EVC: variants seen among roughly 807,000 people sequenced by gnomAD.
EVC encodes evC complex member EVC.
Under a neutral mutation model 118.9 loss-of-function variants are expected in EVC, and 116 were observed. The observed-to-expected ratio is 0.98, with a 90% CI of 0.84 to 1.14. EVC has a LOEUF of 1.14. Among genes scored for constraint, EVC ranks in the 50% most tolerant of loss-of-function variants. The pLI, the probability that EVC is intolerant of heterozygous loss-of-function variation, is 0.00. For synonymous variants in EVC, 619 were observed against 534.7 expected, an observed-to-expected ratio of 1.16 and a Z score of -2.18; for missense variants, 1,401 against 1,246.4, an observed-to-expected ratio of 1.12 and a Z score of -1.87.
chr4:5,808,821 G>C (rs1231934933), intron 18 of EVC, among the ~76,000 whole-genome samples: 6 of 152,216 alleles, frequency 3.9e-5, no homozygotes, highest in Non-Finnish European at 5.9e-5. Context: ...TAAGGTGAGA[G>C]TATAAAGTGT....
intron 12 of EVC, among the ~76,000 whole-genome samples, chr4:5,787,566 G>A (rs1440775202): frequency 6.6e-6 from 1 of 152,092 alleles, no homozygotes; most frequent in Non-Finnish European, 1.5e-5. Context: ...CCAGACCCTC[G>A]GGGAGGAGTG....
At chr4:5,761,192 G>C (rs1731952823) in intron 11 of EVC, among the ~76,000 whole-genome samples, 1 of 152,040 alleles carries the variant, frequency 6.6e-6, no homozygotes, top group Non-Finnish European at 1.5e-5. Context: ...GCCGAGGAGA[G>C]CAGGTCCAAG....
intron 1 of EVC, among the ~76,000 whole-genome samples, chr4:5,714,495 A>ATTTT (rs56388164): frequency 1.5e-5 from 2 of 129,674 alleles, no homozygotes; most frequent in African/African-American, 2.9e-5. Flanking sequence ...TGCTGCTTGC[A>ATTTT]TTTTTTTTTT....
At chr4:5,721,272 A>G (rs1045225027) in intron 2 of EVC, among the ~76,000 whole-genome samples, 2 of 152,232 alleles carry the variant, frequency 1.3e-5, no homozygotes, top group East Asian at 3.8e-4. Context: ...CCCAAATAGA[A>G]AAACTGGAAA....
intron 15 of EVC, among the ~76,000 whole-genome samples, chr4:5,799,086 C>T (rs1435116570): frequency 1.3e-5 from 2 of 152,150 alleles, no homozygotes; most frequent in Non-Finnish European, 2.9e-5. Flanking sequence ...CATGGTGTCA[C>T]CCAGAGCCAC....
chr4:5,740,017 G>A (rs528767454), intron 5 of EVC, among the ~76,000 whole-genome samples: 1 of 152,054 alleles, frequency 6.6e-6, no homozygotes, highest in Non-Finnish European at 1.5e-5. Context: ...CACTTCAATG[G>A]AGGAATGATA....
intron 16 of EVC, among the ~76,000 whole-genome samples, chr4:5,803,297 C>T (rs1560436773): frequency 1.3e-5 from 2 of 152,244 alleles, no homozygotes; most frequent in Non-Finnish European, 2.9e-5. Flanking sequence ...CTGAGTGTTT[C>T]TCCTCTCAGC....
At chr4:5,800,361 A>T (rs1483996915) in intron 15 of EVC, among the ~76,000 whole-genome samples, 1 of 152,140 alleles carries the variant, frequency 6.6e-6, no homozygotes, top group African/African-American at 2.4e-5. Context: ...AAACAAACAA[A>T]CAAAAAACAG....
chr4:5,728,419 A>G (rs1234679274), intron 2 of EVC, among the ~76,000 whole-genome samples: 1 of 151,448 alleles, frequency 6.6e-6, no homozygotes, highest in Admixed American at 6.6e-5. Context: ...TTGTACATTG[A>G]TTTTGTATCC....
downstream of EVC, among the ~76,000 whole-genome samples, chr4:5,815,523 C>T (rs538289968): frequency 1.2e-4 from 18 of 152,182 alleles, no homozygotes; most frequent in East Asian, 1.9e-4. Context: ...GGGAACGAAT[C>T]GATCCAGAGG....
At chr4:5,733,676 A>C (rs1169627231) in intron 5 of EVC, among the ~76,000 whole-genome samples, 2 of 152,208 alleles carry the variant, frequency 1.3e-5, no homozygotes, top group African/African-American at 4.8e-5. Context: ...CAGCAGAAAG[A>C]TGAGTGCCTC....
intron 3 of EVC, among the ~76,000 whole-genome samples, chr4:5,730,580 G>C (rs1326570863): frequency 1.3e-5 from 2 of 152,076 alleles, no homozygotes; most frequent in Non-Finnish European, 2.9e-5. Context: ...CCCCACCCTG[G>C]AGGCCCTCAC....
intron 19 of EVC, 27 bp downstream of exon 19, chr4:5,809,638 C>T (rs760485089): frequency 1.9e-5 from 31 of 1,594,208 alleles, no homozygotes; most frequent in South Asian, 3.3e-5. Flanking sequence ...TGAGTTGCAG[C>T]GGGAAGCACT....
intron 5 of EVC, among the ~76,000 whole-genome samples, chr4:5,739,276 T>C (rs143683594): frequency 1.3e-5 from 2 of 152,212 alleles, no homozygotes; most frequent in Non-Finnish European, 2.9e-5. Context: ...TTATATCTTA[T>C]ACCATATCAG....
chr4:5,805,942 T>A (rs1715828454), intron 17 of EVC, among the ~76,000 whole-genome samples: 1 of 147,060 alleles, frequency 6.8e-6, no homozygotes, highest in Non-Finnish European at 1.5e-5. Flanking sequence ...GTGACATAGC[T>A]ATATTGAATA....
chr4:5,731,440 T>G lies in EVC; in HGVS notation c.400T>G (p.Ser134Ala). ...NQKFRPLADG[S>A]SNPSLHENLK... ...GCCACCCCAGCCTCTGGCCGATGGC[T>G]CCTCCAACCCGTCTCTGCATGAAAA... Residue 134 changes from serine to alanine, a missense_variant, in exon 4 of 21, where the codon TCC (serine) becomes GCC (alanine). By Grantham distance (99) the Ser-to-Ala change is moderately conservative. Transcript: ENST00000264956. The surrounding 1 kb of genome is among the most constrained non-coding windows in gnomAD (Gnocchi z 5.6). 1 of 1,613,264 alleles carries G rather than the reference T, an allele frequency of 6.2e-7. No homozygotes were observed. Among genetic ancestry groups the G allele is most frequent in the Non-Finnish European group, 8.5e-7 (1 of 1,179,878 alleles).
rs112422541 is a variant in EVC, at chr4:5,733,577, G to A, written c.702+142G>A. ...CCGCTGTGAGGTGGGGGAAAGCGGC[G>A]CTGTCAGGCATGCAGCCACAAAATG... is the stretch of plus-strand genomic sequence containing the variant. On this transcript the variant is annotated intron_variant, in intron 5 of 20. Coordinates refer to ENST00000264956, the MANE Select transcript of EVC (RefSeq NM_153717.3). 122 of 796,670 alleles carry A rather than the reference G, an allele frequency of 1.5e-4. No individual in the cohort carries two copies. In the African/African-American group the frequency reaches 1.6e-3, roughly 11 times the overall value. The allele number at this position is 796,670 out of a possible 1,614,324, so 49.4% of individuals were successfully genotyped here.
In EVC at chr4:5,785,814, A is replaced by G. The variant is rs562317068; in HGVS notation, c.1776+2050A>G. 5.3e-5 allele frequency among the ~76,000 whole-genome samples: 8 copies of G among 152,372 alleles called. No individual in the cohort carries two copies. In the East Asian group the frequency reaches 1.5e-3, roughly 29 times the overall value. ...GATTACAGTGTTGCCTTTGCCCTGT[A>G]TTCTTCGAAGGGATCTAAATGAAGC... On this transcript the variant is annotated intron_variant, in intron 12 of 20. Transcript: ENST00000264956.
chr4:5,807,687 G>A (rs971907795), intron 17 of EVC, among the ~76,000 whole-genome samples: 2 of 152,162 alleles, frequency 1.3e-5, no homozygotes, highest in Non-Finnish European at 2.9e-5. Flanking sequence ...ATTTCCCAGA[G>A]GCTGCATCCC....
Sources: gnomAD v4.1 joint callset for allele counts (sites outside exome capture counted in the v4.1 genomes callset) on GRCh38, gnomAD v4.1.1 for gene constraint, Gnocchi (gnomAD v3.1) non-coding constraint, MANE v1.5 for transcripts, NCBI Gene and HGNC (gene_info 2026-07-23, HGNC 2026-07-21) for gene names.